Variants in GK5 observed in about 807,000 individuals in gnomAD.
GK5 encodes ATP:glycerol 3-phosphotransferase 5.
In GK5, 39 loss-of-function variants were observed where a neutral mutation model predicts 77.3. The observed-to-expected ratio is 0.50, with a 90% CI of 0.39 to 0.66. The LOEUF is 0.66. GK5 is among the 30% of genes least tolerant of loss of function. The pLI is 0.00. For synonymous variants in GK5, 211 were observed against 208.0 expected, an observed-to-expected ratio of 1.01 and a Z score of -0.13; for missense variants, 487 against 633.8, an observed-to-expected ratio of 0.77 and a Z score of 2.49.
At chr3:142,201,203 T>C (rs1324461329) in intron 4 of GK5, among the ~76,000 whole-genome samples, 1 of 152,190 alleles carries the variant, frequency 6.6e-6, no homozygotes, top group Non-Finnish European at 1.5e-5. Flanking sequence ...TTATTTGTAA[T>C]AGCCAAAAAC....
At position 142,165,244 on chromosome 3, in the gene GK5, A is replaced by G. The variant is rs893085956; in HGVS notation, c.*378T>C. The G allele has an allele frequency of 6.2e-5, 10 of 161,396 alleles. No individual in the cohort carries two copies. The highest frequency in any genetic ancestry group is 9.5e-5 in the African/African-American group (4 of 41,888). 10.0% of individuals were successfully genotyped at this position (161,396 alleles called of 1,614,324 possible). A position where few individuals can be genotyped will look rare whatever the true frequency, so the allele number is the denominator to read the frequency against. On this transcript the variant is annotated 3_prime_UTR_variant, in exon 16 of 16. Coordinates refer to ENST00000392993, the MANE Select transcript of GK5 (RefSeq NM_001039547.3). ...ATACGTTTCACATAATTTTGGAACA[A>G]TATGTGCATGGTACTTGACCCAGAA...
chr3:142,208,124 C>T (rs1188604939), intron 3 of GK5, among the ~76,000 whole-genome samples: 9 of 152,066 alleles, frequency 5.9e-5, no homozygotes, highest in Admixed American at 5.2e-4. Context: ...TTTTTTCAGA[C>T]ATTTTTTAAA....
intron 5 of GK5, among the ~76,000 whole-genome samples, chr3:142,193,214 C>T (rs1316871786): frequency 6.6e-6 from 1 of 152,128 alleles, no homozygotes; most frequent in African/African-American, 2.4e-5. Flanking sequence ...ATATTTACTG[C>T]TGAATGTTTC....
chr3:142,177,339 C>G (rs1007361976), intron 12 of GK5, 143 bp downstream of exon 12: 5 of 589,776 alleles, frequency 8.5e-6, no homozygotes, highest in Non-Finnish European at 1.5e-5. Context: ...CAGAGCATAA[C>G]TTCTCAGCCC....
intron 14 of GK5, among the ~76,000 whole-genome samples, 160 bp from the exon 15 acceptor site, chr3:142,170,618 C>T (rs1193441072): frequency 1.3e-5 from 2 of 152,068 alleles, no homozygotes; most frequent in African/African-American, 4.8e-5. Context: ...GACAGAGAAC[C>T]TTACTGGGTA....
At chr3:142,165,810 C>A (rs777956821) in intron 15 of GK5, 40 bp from the exon 16 acceptor site, 4 of 1,441,100 alleles carry the variant, frequency 2.8e-6, no homozygotes, top group Admixed American at 2.2e-5. Context: ...TAAGGCAAAT[C>A]ATGAGTCCAA....
intron 9 of GK5, chr3:142,184,588 C>G (rs1253943407): frequency 6.6e-6 from 1 of 152,218 alleles, no homozygotes; most frequent in African/African-American, 2.4e-5. Context: ...CCTGCTGGCT[C>G]ATGCCTATAA....
Position 142,163,756 on chromosome 3 carries a change from G to C in GK5, c.*1866C>G, listed in dbSNP as rs1038447805. On this transcript the variant is annotated 3_prime_UTR_variant, in exon 16 of 16. Coordinates refer to ENST00000392993, the MANE Select transcript of GK5 (RefSeq NM_001039547.3). ...CACGGCTGCAATCCCAGCACTTTGG[G>C]AGGCCAAGGTGGGAGGATCACTTGA... 1 of 152,090 alleles carries C rather than the reference G, an allele frequency of 6.6e-6. No homozygotes were observed. The highest frequency in any genetic ancestry group is 1.5e-5 in the Non-Finnish European group (1 of 68,038). The allele number at this position is 152,090 out of a possible 1,614,324, so 9.4% of individuals were successfully genotyped here. A position where few individuals can be genotyped will look rare whatever the true frequency, so the allele number is the denominator to read the frequency against.
intron 3 of GK5, among the ~76,000 whole-genome samples, chr3:142,212,735 G>C (rs1367445482): frequency 1.3e-5 from 2 of 151,924 alleles, no homozygotes; most frequent in Admixed American, 1.3e-4. Context: ...AATGGAACTT[G>C]GGACTGTCAC....
chr3:142,180,611 T>C (rs2107773032), intron 11 of GK5, among the ~76,000 whole-genome samples: 1 of 152,270 alleles, frequency 6.6e-6, no homozygotes, highest in Admixed American at 6.5e-5. Context: ...CTTCTTTCTC[T>C]TTCTTTGTTT....
intron 9 of GK5, among the ~76,000 whole-genome samples, chr3:142,184,216 G>A (rs560086611): frequency 4.2e-5 from 5 of 117,670 alleles, no homozygotes; most frequent in South Asian, 2.7e-4. Context: ...AGCCGAGATC[G>A]CACCACTGCA....
intron 3 of GK5, among the ~76,000 whole-genome samples, chr3:142,212,654 A>G (rs2064203210): frequency 6.6e-6 from 1 of 152,174 alleles, no homozygotes; most frequent in Non-Finnish European, 1.5e-5. Context: ...TTGCTCCCTG[A>G]GCAACCCTGA....
chr3:142,190,786 A>G (rs1577125826), intron 5 of GK5, among the ~76,000 whole-genome samples: 3 of 152,176 alleles, frequency 2.0e-5, no homozygotes, highest in East Asian at 3.9e-4. Context: ...GAAACAAGAA[A>G]AAGAATTAAT....
chr3:142,199,186 CT>C (rs1005786378), intron 4 of GK5, among the ~76,000 whole-genome samples: 1 of 151,702 alleles, frequency 6.6e-6, no homozygotes, highest in South Asian at 2.1e-4. Flanking sequence ...TTATTATAAA[CT>C]TTTTTAAAAA....
intron 8 of GK5, 98 bp from the exon 9 acceptor site, chr3:142,186,087 A>C: frequency 8.5e-7 from 1 of 1,170,052 alleles, no homozygotes; most frequent in South Asian, 1.3e-5. Context: ...AAAGTTACAT[A>C]ATGAACATAC....
intron 12 of GK5, among the ~76,000 whole-genome samples, chr3:142,174,392 T>C (rs1284879653): frequency 6.6e-6 from 1 of 152,238 alleles, no homozygotes; most frequent in African/African-American, 2.4e-5. Flanking sequence ...ATCTGGTTTA[T>C]ATCAGATGGT....
Position 142,225,431 on chromosome 3 carries a change from C to G in GK5, c.25G>C (p.Glu9Gln), listed in dbSNP as rs149166410. Residue 9 changes from glutamate to glutamine, a missense_variant, in exon 1 of 16, where the codon GAG (glutamate) becomes CAG (glutamine). Glu to Gln is a conservative substitution (Grantham distance 29). Around this residue, in one of 4 missense-constraint regions of GK5, gnomAD observed 97 missense variants for 86.9 expected, o/e 1.12. Transcript: ENST00000392993. ...TACCGCGGCTCCTGCGCTCTCTGCTCCGGGTCCGTGAGCAGCCCCGACATC... is the reference window on the plus strand; with the variant it reads ...TACCGCGGCTCCTGCGCTCTCTGCTGCGGGTCCGTGAGCAGCCCCGACATC... Reference protein sequence around the residue: MSGLLTDPEQRAQEPRYPG... With the variant: MSGLLTDPQQRAQEPRYPG... 6.2e-7 allele frequency: 1 copy of G among 1,603,140 alleles called. No individual in the cohort carries two copies. Among genetic ancestry groups the G allele is most frequent in the Non-Finnish European group, 8.5e-7 (1 of 1,177,716 alleles).
At chr3:142,196,407 C>T (rs919749279) in intron 5 of GK5, among the ~76,000 whole-genome samples, 8 of 151,842 alleles carry the variant, frequency 5.3e-5, no homozygotes, top group African/African-American at 1.9e-4. Flanking sequence ...AGACTATTGA[C>T]GTGATATTTT....
At position 142,172,385 on chromosome 3, in the gene GK5, A is replaced by T. The variant is rs1333058865; in HGVS notation, c.1215T>A (p.Leu405=). 6.2e-7 allele frequency: 1 copy of T among 1,602,458 alleles called. No individual in the cohort carries two copies. Among genetic ancestry groups the T allele is most frequent in the Non-Finnish European group, 8.5e-7 (1 of 1,172,298 alleles). ...CTATTGACTCCAATATTGCTCGTAC[A>T]AGATGGTATTTACTGGTAGAAGGCT... ...GLKPSTSKYH[L]VRAILESIAF... Residue 405 remains leucine, a synonymous_variant, in exon 13 of 16, where the codon CTT becomes CTA. Coordinates refer to ENST00000392993, the MANE Select transcript of GK5 (RefSeq NM_001039547.3).
Sources: allele counts gnomAD v4.1 joint callset (sites outside exome capture counted in the v4.1 genomes callset), GRCh38; gene constraint gnomAD v4.1.1; regional missense constraint gnomAD v4.1.1; transcripts MANE v1.5; gene names NCBI Gene and HGNC (gene_info 2026-07-23, HGNC 2026-07-21).